The following GLRA3 variants were observed in gnomAD, a reference collection of about 807,000 sequenced individuals.
GLRA3 encodes the protein glycine receptor alpha 3.
GLRA3 carries 44 observed loss-of-function variants against 60.4 expected under a neutral mutation model. That is an observed-to-expected ratio of 0.73 (90% CI 0.57 to 0.94). The LOEUF (loss-of-function observed/expected upper bound fraction) is 0.94, where lower values mean the gene tolerates loss of function less well. GLRA3 is among the 40% of genes least tolerant of loss of function. The pLI is 0.00. For synonymous variants in GLRA3, 223 were observed against 192.9 expected (o/e 1.16, Z -1.29); for missense variants, 508 against 564.6 (o/e 0.90, Z 1.02).
At chr4:174,779,165 C>G (rs1019232908) in intron 2 of GLRA3, among the ~76,000 whole-genome samples, 3 of 151,906 alleles carry the variant, frequency 2.0e-5, no homozygotes, top group Non-Finnish European at 2.9e-5. Flanking sequence ...CCCTGACCCC[C>G]AAGCAGCCTA....
At chr4:174,649,943 G>A (rs907097475) in intron 9 of GLRA3, among the ~76,000 whole-genome samples, 7 of 152,160 alleles carry the variant, frequency 4.6e-5, no homozygotes, top group South Asian at 2.1e-4. Flanking sequence ...TGTCACAACC[G>A]GATAAGAAAC....
At chr4:174,825,749 G>A (rs1740939098) in intron 1 of GLRA3, among the ~76,000 whole-genome samples, 1 of 151,872 alleles carries the variant, frequency 6.6e-6, no homozygotes, top group South Asian at 2.1e-4. Context: ...AAACTTTTTT[G>A]TAAATATTTT....
chr4:174,651,116 A>G (rs996922184), intron 9 of GLRA3, among the ~76,000 whole-genome samples: 2 of 152,202 alleles, frequency 1.3e-5, no homozygotes, highest in Admixed American at 6.6e-5. Context: ...AGGCATCTTT[A>G]TATTAGCTTG....
intron 3 of GLRA3, among the ~76,000 whole-genome samples, chr4:174,731,340 C>T (rs1386722144): frequency 2.0e-5 from 3 of 152,036 alleles, no homozygotes; most frequent in African/African-American, 7.2e-5. Flanking sequence ...AAGAAAGGGG[C>T]AAGTAAACGG....
At position 174,756,570 on chromosome 4, in the gene GLRA3, A is replaced by G. The variant is rs571291563; in HGVS notation, c.267+10393T>C. Among the ~76,000 whole-genome samples the G allele has an allele frequency of 6.6e-3, 1,006 of 152,202 alleles. 3 individuals are homozygous for G. The highest frequency in any genetic ancestry group is 0.011 in the Non-Finnish European group (745 of 68,000). On this transcript the variant is annotated intron_variant, in intron 3 of 9. Transcript: ENST00000274093. ...ATTCCTTTTCATAATAAAACATCTC[A>G]GCAAACAACAGTGGAAGTAAACTCA... is the stretch of plus-strand genomic sequence containing the variant.
chr4:174,762,712 T>C (rs1185799195), intron 3 of GLRA3, among the ~76,000 whole-genome samples: 2 of 152,308 alleles, frequency 1.3e-5, no homozygotes, highest in Admixed American at 6.5e-5. Flanking sequence ...AAGGTTTTTG[T>C]TTACTTTTAA....
chr4:174,705,828 G>A (rs1349657126), intron 5 of GLRA3, among the ~76,000 whole-genome samples: 2 of 145,826 alleles, frequency 1.4e-5, no homozygotes, highest in African/African-American at 5.1e-5. Flanking sequence ...CATGGAACTT[G>A]CATGTAGTGG....
intron 1 of GLRA3, among the ~76,000 whole-genome samples, chr4:174,827,382 T>A (rs1267651810): frequency 6.6e-6 from 1 of 151,680 alleles, no homozygotes; most frequent in Middle Eastern, 5.2e-3. Context: ...ATCTATCAAC[T>A]AAGCTAATCT....
At chr4:174,794,213 A>G (rs1332109501) in intron 1 of GLRA3, among the ~76,000 whole-genome samples, 1 of 152,150 alleles carries the variant, frequency 6.6e-6, no homozygotes, top group African/African-American at 2.4e-5. Context: ...CCCACCTATT[A>G]TAATAGTTTG....
intron 1 of GLRA3, among the ~76,000 whole-genome samples, chr4:174,793,310 C>A (rs2111318301): frequency 6.6e-6 from 1 of 152,114 alleles, no homozygotes; most frequent in South Asian, 2.1e-4. Context: ...TTCCATTGCT[C>A]TCTTTGTGAG....
intron 3 of GLRA3, among the ~76,000 whole-genome samples, chr4:174,738,167 T>C (rs948046656): frequency 6.6e-6 from 1 of 152,236 alleles, no homozygotes; most frequent in Admixed American, 6.5e-5. Flanking sequence ...GAAACTATCA[T>C]TGAATATTGC....
intron 3 of GLRA3, among the ~76,000 whole-genome samples, chr4:174,729,727 T>G (rs942045122): frequency 6.6e-6 from 1 of 152,234 alleles, no homozygotes; most frequent in African/African-American, 2.4e-5. Context: ...AATATAGACC[T>G]CATTGTAAGC....
At chr4:174,690,060 C>A (rs1419366355) in intron 5 of GLRA3, among the ~76,000 whole-genome samples, 1 of 152,170 alleles carries the variant, frequency 6.6e-6, no homozygotes. Flanking sequence ...ATAGATGTAA[C>A]TGGCGGCCAT....
chr4:174,698,809 G>A (rs1017724609), intron 5 of GLRA3, among the ~76,000 whole-genome samples: 2 of 152,048 alleles, frequency 1.3e-5, no homozygotes, highest in African/African-American at 4.8e-5. Flanking sequence ...AAGTACTTGA[G>A]AGAGGTAATT....
chr4:174,637,860 C>T lies in GLRA3; in HGVS notation c.*5926G>A, dbSNP rs982496286. 1.6e-4 allele frequency: 24 copies of T among 151,986 alleles called. No individual in the cohort carries two copies. Among genetic ancestry groups the T allele is most frequent in the African/African-American group, 5.3e-4 (22 of 41,392 alleles). The allele number at this position is 151,986 out of a possible 1,614,324, so 9.4% of individuals were successfully genotyped here. A position where few individuals can be genotyped will look rare whatever the true frequency, so the allele number is the denominator to read the frequency against. On this transcript the variant is annotated 3_prime_UTR_variant, in exon 10 of 10. Transcript: ENST00000274093. Reference sequence around the variant, plus strand: ...TGAAAATAATATACATAGAAATTTTCATCAATTTCTATTTATCTATGTAGA... The same window carrying T: ...TGAAAATAATATACATAGAAATTTTTATCAATTTCTATTTATCTATGTAGA...
intron 3 of GLRA3, among the ~76,000 whole-genome samples, chr4:174,736,626 T>C (rs1736800225): frequency 6.6e-6 from 1 of 152,202 alleles, no homozygotes; most frequent in Admixed American, 6.6e-5. Context: ...CAAGGTTTTA[T>C]GGTACATTTA....
intron 9 of GLRA3, among the ~76,000 whole-genome samples, chr4:174,653,415 T>C (rs1733088996): frequency 6.6e-6 from 1 of 151,942 alleles, no homozygotes; most frequent in African/African-American, 2.4e-5. Flanking sequence ...TAAAAAATAC[T>C]TTGCTGTTGT....
At chr4:174,821,393 C>G (rs917835411) in intron 1 of GLRA3, among the ~76,000 whole-genome samples, 6 of 152,032 alleles carry the variant, frequency 3.9e-5, no homozygotes, top group Non-Finnish European at 5.9e-5. Context: ...GGTTTTATTT[C>G]TATGTCATGA....
At chr4:174,683,807 C>T (rs1340385947) in intron 5 of GLRA3, among the ~76,000 whole-genome samples, 1 of 152,124 alleles carries the variant, frequency 6.6e-6, no homozygotes, top group Non-Finnish European at 1.5e-5. Flanking sequence ...CACTTAAACC[C>T]ATTTAGAAAA....
Sources: allele counts gnomAD v4.1 joint callset (sites outside exome capture counted in the v4.1 genomes callset), GRCh38; gene constraint gnomAD v4.1.1; transcripts MANE v1.5; gene names NCBI Gene and HGNC (gene_info 2026-07-23, HGNC 2026-07-21).